ALG9: variants seen among roughly 807,000 people sequenced by gnomAD.
The protein encoded by ALG9 is alpha-1,2-mannosyltransferase ALG9.
ALG9 carries 55 observed loss-of-function variants against 81.8 expected under a neutral mutation model. That is an observed-to-expected ratio of 0.67 (90% CI 0.54 to 0.84). ALG9 has a LOEUF of 0.84. Ranked by LOEUF, ALG9 falls within the 40% of genes least tolerant of loss-of-function variation. ALG9 has a pLI of 0.00. For missense variants in ALG9, 629 were observed against 745.0 expected (o/e 0.84, Z 1.81); for synonymous variants, 278 against 274.3 (o/e 1.01, Z -0.13).
intron 13 of ALG9, among the ~76,000 whole-genome samples, chr11:111,815,988 G>A (rs1370148417): frequency 6.6e-6 from 1 of 152,200 alleles, no homozygotes; most frequent in Non-Finnish European, 1.5e-5. Context: ...GGATTACAAT[G>A]TTAACCATTC....
In ALG9 at chr11:111,837,758, G is replaced by A. The variant is rs1404900631; in HGVS notation, c.1325-143C>T. On this transcript the variant is annotated intron_variant, in intron 11 of 14. Transcript: ENST00000616540. Reference sequence around the variant, plus strand: ...CCATAGCCATTCCAGCATGAAGCCTGCTCTGCAGGTATAAAATGTCTCTCT... The same window carrying A: ...CCATAGCCATTCCAGCATGAAGCCTACTCTGCAGGTATAAAATGTCTCTCT... 17 of 932,850 alleles carry A rather than the reference G, an allele frequency of 1.8e-5. No individual in the cohort carries two copies. In the Admixed American group the frequency reaches 3.2e-4, roughly 18 times the overall value. The allele number at this position is 932,850 out of a possible 1,614,324, so 57.8% of individuals were successfully genotyped here.
Position 111,853,729 on chromosome 11 carries a change from T to G in ALG9, c.709A>C (p.Ile237Leu). The change falls in exon 7 of 15, where the codon ATT (isoleucine) becomes CTT (leucine). Residue 237 changes from isoleucine (I) to leucine (L), a missense_variant. Physicochemically the swap from Ile to Leu is conservative, Grantham distance 5. Transcript: ENST00000616540. ...TTCATGACCAGCAAATCAAAGGCAA[T>G]GGGTAAACTATTTAACAGAGAAACA... ...WPFSAALGLPIAFDLLVMKHR... is the reference protein window; with the variant it reads ...WPFSAALGLPLAFDLLVMKHR... 3 of 1,613,682 alleles carry G rather than the reference T, an allele frequency of 1.9e-6. No homozygotes were observed. Among genetic ancestry groups the G allele is most frequent in the Non-Finnish European group, 2.5e-6 (3 of 1,179,678 alleles).
intron 4 of ALG9, 120 bp downstream of exon 4, chr11:111,865,061 G>T: frequency 1.3e-6 from 1 of 750,280 alleles, no homozygotes; most frequent in South Asian, 2.1e-5. Flanking sequence ...ACAGGTGTGA[G>T]CCACCGCACC....
intron 9 of ALG9, among the ~76,000 whole-genome samples, chr11:111,841,087 C>T (rs1417310398): frequency 6.6e-6 from 1 of 152,138 alleles, no homozygotes; most frequent in Admixed American, 6.5e-5. Flanking sequence ...GCTAATAGAA[C>T]TTAATAAATT....
chr11:111,775,711 A>C, the ALG9 span, among the ~76,000 whole-genome samples: 1 of 152,118 alleles, frequency 6.6e-6, no homozygotes, highest in East Asian at 1.9e-4. Flanking sequence ...CCCATCTCTA[A>C]ATAAATAAAT....
At chr11:111,852,193 C>T (rs1408551036) in intron 8 of ALG9, among the ~76,000 whole-genome samples, 1 of 152,242 alleles carries the variant, frequency 6.6e-6, no homozygotes, top group East Asian at 1.9e-4. Context: ...ATAGCAGAAC[C>T]CCAAAGCAAG....
intron 13 of ALG9, among the ~76,000 whole-genome samples, chr11:111,825,055 G>A (rs1362011148): frequency 2.0e-5 from 3 of 152,178 alleles, no homozygotes; most frequent in Non-Finnish European, 2.9e-5. Flanking sequence ...ACAAACGACA[G>A]GAGAAAGCTA....
At position 111,857,459 on chromosome 11, in the gene ALG9, G is replaced by C. The variant is rs1190475972; in HGVS notation, c.701+143C>G. On this transcript the variant is annotated intron_variant, in intron 6 of 14. Coordinates refer to ENST00000616540, the MANE Select transcript of ALG9 (RefSeq NM_024740.2). ...AATTAATCATAATAGTAAGTGCTAA[G>C]AGAAATATTCTTCCATTTCCCAGAA... The C allele has an allele frequency of 9.3e-6, 10 of 1,079,892 alleles. No homozygotes were observed. In the Admixed American group the frequency reaches 1.4e-4, roughly 15 times the overall value. The allele number at this position is 1,079,892 out of a possible 1,614,324, so 66.9% of individuals were successfully genotyped here.
intron 4 of ALG9, among the ~76,000 whole-genome samples, chr11:111,861,945 T>C (rs1412466185): frequency 6.6e-6 from 1 of 152,180 alleles, no homozygotes; most frequent in Non-Finnish European, 1.5e-5. Context: ...GTCAGTGTAA[T>C]TGCCTAACAC....
Position 111,794,286 on chromosome 11 carries a change from T to C in ALG9, c.1734-7766A>G, listed in dbSNP as rs550865026. Among the ~76,000 whole-genome samples the C allele has an allele frequency of 8.5e-4, 130 of 152,228 alleles. 1 individual carries two copies. The highest frequency in any genetic ancestry group is 2.8e-3 in the African/African-American group (116 of 41,540). ...AAAGAAAACATCCTAGTATCCAGGT[T>C]TTCTTTCTCTTTTAAAAGACAGGAT... On this transcript the variant is annotated intron_variant, in intron 14 of 14. Coordinates refer to ENST00000616540, the MANE Select transcript of ALG9 (RefSeq NM_024740.2).
chr11:111,800,207 G>A (rs1438039827), intron 14 of ALG9, among the ~76,000 whole-genome samples: 2 of 152,132 alleles, frequency 1.3e-5, no homozygotes, highest in South Asian at 4.1e-4. Context: ...TAGGCCGGGT[G>A]TGGTGGCTCA....
intron 9 of ALG9, among the ~76,000 whole-genome samples, chr11:111,843,190 G>A (rs532374375): frequency 6.6e-6 from 1 of 152,306 alleles, no homozygotes; most frequent in Non-Finnish European, 1.5e-5. Flanking sequence ...CCTCAAGGGA[G>A]CAAACAGCTG....
intron 9 of ALG9, among the ~76,000 whole-genome samples, chr11:111,842,038 A>G (rs782443524): frequency 3.9e-5 from 6 of 152,220 alleles, no homozygotes; most frequent in African/African-American, 1.4e-4. Flanking sequence ...CTGGGATTAC[A>G]GGCATGCATC....
chr11:111,809,946 G>A (rs913955140), intron 13 of ALG9, among the ~76,000 whole-genome samples, 173 bp from the exon 14 acceptor site: 1 of 152,070 alleles, frequency 6.6e-6, no homozygotes, highest in Non-Finnish European at 1.5e-5. Context: ...AGGCTCTTGT[G>A]GGGGAGAGGC....
chr11:111,847,289 T>C (rs1957081740), intron 8 of ALG9, among the ~76,000 whole-genome samples: 1 of 152,206 alleles, frequency 6.6e-6, no homozygotes, highest in Non-Finnish European at 1.5e-5. Context: ...CCTCTGCCAC[T>C]GCAATTATGG....
chr11:111,809,795 T>C (rs1950445422), intron 13 of ALG9, 22 bp from the exon 14 acceptor site: 2 of 1,613,424 alleles, frequency 1.2e-6, no homozygotes, highest in African/African-American at 2.7e-5. Flanking sequence ...AAAGGCCAAC[T>C]CTTCATTAGT....
intron 6 of ALG9, 21 bp downstream of exon 6, chr11:111,857,581 G>C (rs782150137): frequency 1.2e-6 from 2 of 1,613,958 alleles, no homozygotes; most frequent in South Asian, 2.2e-5. Flanking sequence ...ATATATGGGA[G>C]GAGAACTGTT....
chr11:111,849,887 T>G (rs1169259806), intron 8 of ALG9: 4 of 152,222 alleles, frequency 2.6e-5, no homozygotes. Flanking sequence ...AGAAACTGTG[T>G]GCTTAACATA....
rs1365201257 is a variant in ALG9 at position 111,785,655 on chromosome 11, T to C, written c.*742A>G. On this transcript the variant is annotated 3_prime_UTR_variant, in exon 15 of 15. Transcript: ENST00000616540. ...GTTGATATCTTCACATGGAGGAGTC[T>C]AGAATTCAAAAAATAGCATGCTAAA... 1.1e-5 allele frequency: 2 copies of C among 183,520 alleles called. No individual in the cohort carries two copies. Among genetic ancestry groups the C allele is most frequent in the Non-Finnish European group, 2.3e-5 (2 of 86,718 alleles). 11.4% of individuals were successfully genotyped at this position (183,520 alleles called of 1,614,324 possible).
Sources: gnomAD v4.1 joint callset for allele counts (sites outside exome capture counted in the v4.1 genomes callset) on GRCh38, gnomAD v4.1.1 for gene constraint, MANE v1.5 for transcripts, NCBI Gene and HGNC (gene_info 2026-07-23, HGNC 2026-07-21) for gene names.